Variants in PTAFR observed in about 807,000 individuals in gnomAD.
The protein encoded by PTAFR is platelet-activating factor receptor.
A neutral mutation model predicts 14.7 loss-of-function variants in PTAFR; 8 were observed. The ratio of observed to expected loss-of-function variants is 0.54; its 90% CI spans 0.32 to 0.98. PTAFR has a LOEUF of 0.98. Among genes scored for constraint, PTAFR ranks in the 50% least tolerant of loss-of-function variants. PTAFR has a pLI of 0.04. For synonymous variants in PTAFR, 156 were observed against 176.5 expected (o/e 0.88, Z 0.92); for missense variants, 337 against 451.2 (o/e 0.75, Z 2.29).
intron 1 of PTAFR, among the ~76,000 whole-genome samples, chr1:28,189,122 ATGT>A (rs1646630501): frequency 6.6e-6 from 1 of 152,282 alleles, no homozygotes; most frequent in African/African-American, 2.4e-5. Context: ...TGCTTGCCAG[ATGT>A]TGTGCCAATT....
intron 1 of PTAFR, among the ~76,000 whole-genome samples, chr1:28,169,807 C>G (rs1326199781): frequency 2.0e-5 from 3 of 152,120 alleles, no homozygotes; most frequent in Admixed American, 6.5e-5. Context: ...CGAGACCAGC[C>G]TAGCCAACAT....
intron 1 of PTAFR, among the ~76,000 whole-genome samples, chr1:28,188,477 T>G (rs1646624137): frequency 6.6e-6 from 1 of 151,512 alleles, no homozygotes; most frequent in Admixed American, 6.6e-5. Context: ...CAGTGGCTCA[T>G]GCCTGTATCC....
intron 1 of PTAFR, among the ~76,000 whole-genome samples, chr1:28,170,370 T>G (rs1279332035): frequency 6.6e-6 from 1 of 152,140 alleles, no homozygotes; most frequent in East Asian, 1.9e-4. Context: ...TTAGATTCGC[T>G]GGGGCCAGTC....
At chr1:28,159,885 A>G (rs1646304264) in intron 1 of PTAFR, among the ~76,000 whole-genome samples, 1 of 151,716 alleles carries the variant, frequency 6.6e-6, no homozygotes, top group Non-Finnish European at 1.5e-5. Flanking sequence ...CCTTGTTTGG[A>G]TCCTGATTCA....
intron 1 of PTAFR, among the ~76,000 whole-genome samples, chr1:28,164,615 A>G (rs1434386885): frequency 1.3e-5 from 2 of 152,264 alleles, no homozygotes; most frequent in Non-Finnish European, 2.9e-5. Flanking sequence ...CTAGGGGTAA[A>G]AAGTGAGACT....
At chr1:28,167,630 G>A (rs1646399892) in intron 1 of PTAFR, among the ~76,000 whole-genome samples, 1 of 133,134 alleles carries the variant, frequency 7.5e-6, no homozygotes, top group South Asian at 2.2e-4. Context: ...AACTGAAAAC[G>A]GGATTTTTTT....
At position 28,147,993 on chromosome 1, in the gene PTAFR, G is replaced by C. The variant is rs1358519146; in HGVS notation, c.*2000C>G. 6.6e-6 allele frequency: 1 copy of C among 152,552 alleles called. No individual in the cohort carries two copies. The highest frequency in any genetic ancestry group is 6.6e-5 in the Admixed American group (1 of 15,260). The allele number at this position is 152,552 out of a possible 1,614,324, so 9.4% of individuals were successfully genotyped here. A position where few individuals can be genotyped will look rare whatever the true frequency, so the allele number is the denominator to read the frequency against. On this transcript the variant is annotated 3_prime_UTR_variant, in exon 2 of 2. Coordinates refer to ENST00000373857, the MANE Select transcript of PTAFR (RefSeq NM_000952.5). ...CCATCCCAGACTCCAGCAGGTTACA[G>C]GTCCATCGAGAGGCATTTCTCAAAA...
At chr1:28,174,021 C>G (rs1646482808) in intron 1 of PTAFR, among the ~76,000 whole-genome samples, 1 of 152,148 alleles carries the variant, frequency 6.6e-6, no homozygotes, top group South Asian at 2.1e-4. Flanking sequence ...ATTCCAGATA[C>G]ATGTAGACAT....
intron 1 of PTAFR, among the ~76,000 whole-genome samples, chr1:28,174,726 G>A (rs145822666): frequency 6.6e-6 from 1 of 152,160 alleles, no homozygotes; most frequent in Non-Finnish European, 1.5e-5. Flanking sequence ...TGCAAACCCT[G>A]TGCTAAGGAT....
Position 28,150,449 on chromosome 1 carries a change from G to A in PTAFR, c.573C>T (p.Ile191=), listed in dbSNP as rs201009575. 59 of 1,614,046 alleles carry A rather than the reference G, an allele frequency of 3.7e-5. No individual in the cohort carries two copies. Among genetic ancestry groups the A allele is most frequent in the Middle Eastern group, 1.6e-4 (1 of 6,084 alleles). The change falls in exon 2 of 2, where the codon ATC becomes ATT. Residue 191 remains isoleucine, a synonymous_variant. Coordinates refer to ENST00000373857, the MANE Select transcript of PTAFR (RefSeq NM_000952.5). The surrounding 1 kb of genome is among the most constrained non-coding windows in gnomAD (Gnocchi z 6.3). ...SVPVLIIHIF[I]VFSFFLVFLI... is the part of the protein sequence containing the mutation. ...GGAAGACCAGGAAGAAGCTGAACAC[G>A]ATGAAGATGTGGATGATGAGGACTG...
At chr1:28,191,885 A>G (rs2149010393) in intron 1 of PTAFR, among the ~76,000 whole-genome samples, 1 of 151,892 alleles carries the variant, frequency 6.6e-6, no homozygotes, top group East Asian at 1.9e-4. Context: ...AGGCAACATG[A>G]TGAAACCCTG....
chr1:28,191,455 C>T (rs188732173), intron 1 of PTAFR, among the ~76,000 whole-genome samples: 3 of 152,286 alleles, frequency 2.0e-5, no homozygotes, highest in East Asian at 1.9e-4. Context: ...CGTCTCCAGC[C>T]GGGCGCAGTG....
chr1:28,161,782 G>A (rs1646327207), intron 1 of PTAFR, among the ~76,000 whole-genome samples: 1 of 152,102 alleles, frequency 6.6e-6, no homozygotes, highest in African/African-American at 2.4e-5. Flanking sequence ...GTATCTAATT[G>A]TATATTTGTA....
At chr1:28,155,509 C>T (rs1646254072) in intron 1 of PTAFR, among the ~76,000 whole-genome samples, 1 of 152,062 alleles carries the variant, frequency 6.6e-6, no homozygotes, top group Admixed American at 6.6e-5. Flanking sequence ...CGCCTGGCTC[C>T]ACTCCCCACT....
At chr1:28,189,219 T>G (rs1355418319) in intron 1 of PTAFR, among the ~76,000 whole-genome samples, 2 of 151,846 alleles carry the variant, frequency 1.3e-5, no homozygotes, top group Non-Finnish European at 2.9e-5. Flanking sequence ...TTACCAAAAA[T>G]ATTAAACACA....
At chr1:28,174,733 G>C (rs1646494149) in intron 1 of PTAFR, among the ~76,000 whole-genome samples, 1 of 152,160 alleles carries the variant, frequency 6.6e-6, no homozygotes, top group South Asian at 2.1e-4. Flanking sequence ...CCTGTGCTAA[G>C]GATAAAGGAT....
rs190121359 is a variant in PTAFR at position 28,158,569 on chromosome 1, G to A, written c.-38-7510C>T. ...AAAAATTAGCCGGGTGTGGTGGCAC[G>A]CATCTGTAATTCCAGCTACTTGGGA... On this transcript the variant is annotated intron_variant, in intron 1 of 1. Coordinates refer to ENST00000373857, the MANE Select transcript of PTAFR (RefSeq NM_000952.5). 1.6e-3 allele frequency among the ~76,000 whole-genome samples: 241 copies of A among 152,224 alleles called. 3 individuals are homozygous for A. Among genetic ancestry groups the A allele is most frequent in the South Asian group, 0.015 (72 of 4,828 alleles).
At chr1:28,189,745 A>C (rs1002586866) in intron 1 of PTAFR, among the ~76,000 whole-genome samples, 6 of 149,770 alleles carry the variant, frequency 4.0e-5, no homozygotes, top group South Asian at 2.2e-4. Flanking sequence ...GGCTCACTGC[A>C]ACCTCCACCT....
At chr1:28,190,198 C>T (rs1036847027) in intron 1 of PTAFR, among the ~76,000 whole-genome samples, 3 of 150,504 alleles carry the variant, frequency 2.0e-5, no homozygotes, top group African/African-American at 7.3e-5. Flanking sequence ...TCTCAAACTC[C>T]CGACCTCAGA....
Sources: gnomAD v4.1 joint callset for allele counts (sites outside exome capture counted in the v4.1 genomes callset) on GRCh38, gnomAD v4.1.1 for gene constraint, Gnocchi (gnomAD v3.1) non-coding constraint, MANE v1.5 for transcripts, NCBI Gene and HGNC (gene_info 2026-07-23, HGNC 2026-07-21) for gene names.